ADD1: variants seen among roughly 807,000 people sequenced by gnomAD.
ADD1 encodes the protein alpha-adducin.
In ADD1, 24 loss-of-function variants were observed where a neutral mutation model predicts 80.5. That is an observed-to-expected ratio of 0.30 (90% CI 0.22 to 0.42). ADD1 has a LOEUF of 0.42. Ranked by LOEUF, ADD1 falls within the 10% of genes least tolerant of loss-of-function variation. ADD1 has a pLI of 1.00. For missense variants in ADD1, 948 were observed against 1,019.0 expected (o/e 0.93, Z 0.95); for synonymous variants, 373 against 393.8 (o/e 0.95, Z 0.63).
intron 1 of ADD1, chr4:2,844,569 C>A (rs1258447836): frequency 1.3e-5 from 2 of 152,210 alleles, no homozygotes; most frequent in Non-Finnish European, 2.9e-5. Flanking sequence ...CCTCTCTTTT[C>A]TTTTTTCTTA....
chr4:2,896,781 C>T (rs1735314617), intron 6 of ADD1, among the ~76,000 whole-genome samples: 1 of 152,068 alleles, frequency 6.6e-6, no homozygotes, highest in African/African-American at 2.4e-5. Flanking sequence ...TTTTCTGAGA[C>T]AGGATCTCAC....
At chr4:2,887,378 G>A (rs1334269185) in intron 4 of ADD1, 1 of 151,734 alleles carries the variant, frequency 6.6e-6, no homozygotes, top group Non-Finnish European at 1.5e-5. Context: ...ATTGCTAACA[G>A]GTGTTAGAAG....
At chr4:2,861,063 T>G (rs1295477107) in intron 1 of ADD1, among the ~76,000 whole-genome samples, 1 of 152,220 alleles carries the variant, frequency 6.6e-6, no homozygotes, top group Non-Finnish European at 1.5e-5. Flanking sequence ...GCCTAACTGA[T>G]AAGGACTAAG....
intron 1 of ADD1, among the ~76,000 whole-genome samples, chr4:2,862,948 C>T (rs995901470): frequency 1.3e-5 from 2 of 152,176 alleles, no homozygotes; most frequent in Non-Finnish European, 2.9e-5. Flanking sequence ...GACTCTGCTC[C>T]AGTTGCATTT....
chr4:2,907,488 G>C, intron 10 of ADD1: 1 of 384,810 alleles, frequency 2.6e-6, no homozygotes, highest in African/African-American at 2.1e-5. Context: ...TTATGACCCA[G>C]ATTCAGCTGG....
At chr4:2,854,813 A>G (rs1727825679) in intron 1 of ADD1, 1 of 152,210 alleles carries the variant, frequency 6.6e-6, no homozygotes, top group Admixed American at 6.5e-5. Context: ...AAGTTACCAC[A>G]TACGTGGTGC....
intron 2 of ADD1, chr4:2,876,325 G>A (rs1318317581): frequency 2.4e-6 from 1 of 410,262 alleles, no homozygotes; most frequent in Non-Finnish European, 4.2e-6. Flanking sequence ...AGGATAGGAA[G>A]TGTTAATTTC....
At chr4:2,862,906 T>G in intron 1 of ADD1, among the ~76,000 whole-genome samples, 1 of 152,200 alleles carries the variant, frequency 6.6e-6, no homozygotes, top group East Asian at 1.9e-4. Flanking sequence ...GGTGACTGAG[T>G]GCTGACTCCA....
intron 13 of ADD1, among the ~76,000 whole-genome samples, chr4:2,910,651 C>T (rs138612725): frequency 1.8e-4 from 28 of 152,252 alleles, no homozygotes; most frequent in Middle Eastern, 6.8e-3. Flanking sequence ...TTAGGGCTCT[C>T]CAGAAAGCAG....
chr4:2,896,844 C>T (rs1295661647), intron 6 of ADD1, among the ~76,000 whole-genome samples: 1 of 152,142 alleles, frequency 6.6e-6, no homozygotes, highest in Non-Finnish European at 1.5e-5. Flanking sequence ...CTGCAACTTG[C>T]ATCTCCTGGG....
At chr4:2,909,795 G>A (rs1242399899) in intron 13 of ADD1, among the ~76,000 whole-genome samples, 1 of 151,882 alleles carries the variant, frequency 6.6e-6, no homozygotes, top group Non-Finnish European at 1.5e-5. Context: ...GCAGTCTGTT[G>A]CTGTTGGCAG....
chr4:2,883,515 T>TTTGG (rs1434566641), intron 3 of ADD1, among the ~76,000 whole-genome samples: 1 of 151,956 alleles, frequency 6.6e-6, no homozygotes, highest in Admixed American at 6.6e-5. Flanking sequence ...ATTATGTTTT[T>TTTGG]TTGTTTGTTT....
intron 14 of ADD1, among the ~76,000 whole-genome samples, chr4:2,925,085 G>C (rs756781472): frequency 2.6e-5 from 4 of 152,212 alleles, no homozygotes; most frequent in Non-Finnish European, 4.4e-5. Context: ...CAGGAGGTCT[G>C]ATCTGGCCCT....
At chr4:2,854,817 G>A (rs534710159) in intron 1 of ADD1, 2 of 152,234 alleles carry the variant, frequency 1.3e-5, no homozygotes, top group East Asian at 1.9e-4. Context: ...TACCACATAC[G>A]TGGTGCTTTA....
Position 2,909,380 on chromosome 4 carries a change from C to A in ADD1, c.1740C>A (p.Leu580=), listed in dbSNP as rs113301546. The A allele has an allele frequency of 6.4e-7, 1 of 1,550,438 alleles. No individual in the cohort carries two copies. The highest frequency in any genetic ancestry group is 1.4e-5 in the African/African-American group (1 of 73,092). The change falls in exon 13 of 16, where the codon CTC becomes CTA. Residue 580 remains leucine (L), a synonymous_variant. Transcript: ENST00000683351. ...LSDCTETIEG[L]ELTEQTFSPA... ...ACTGTACGGAAACTATCGAAGGGCT[C>A]GAGCTTACAGAGCAGACCTTTAGTC...
At chr4:2,873,245 G>T (rs1730737503) in intron 1 of ADD1, among the ~76,000 whole-genome samples, 1 of 152,134 alleles carries the variant, frequency 6.6e-6, no homozygotes, top group Non-Finnish European at 1.5e-5. Flanking sequence ...ACTTGCCTCG[G>T]CCTCCCAAAG....
rs1001235708 is a variant in ADD1 at position 2,926,369 on chromosome 4, G to A, written c.2047+257G>A. ...ACCCACCATGGTTGCTGGTGTCCAC[G>A]TTGCCCATTGCTCGCACACTCCTCG... On this transcript the variant is annotated intron_variant, in intron 15 of 15. Coordinates refer to ENST00000683351, the MANE Select transcript of ADD1 (RefSeq NM_001354761.2). This position sits in a 1 kb window ranked among gnomAD's most constrained non-coding sequence, Gnocchi z 5.0. 1.7e-5 allele frequency: 12 copies of A among 700,734 alleles called. No individual in the cohort carries two copies. The highest frequency in any genetic ancestry group is 7.0e-5 in the African/African-American group (4 of 57,212). 43.4% of individuals were successfully genotyped at this position (700,734 alleles called of 1,614,324 possible). A position where few individuals can be genotyped will look rare whatever the true frequency, so the allele number is the denominator to read the frequency against.
intron 4 of ADD1, 77 bp from the exon 5 acceptor site, chr4:2,893,936 C>A: frequency 7.4e-7 from 1 of 1,359,144 alleles, no homozygotes; most frequent in Non-Finnish European, 1.1e-6. Flanking sequence ...CTGAACAAAC[C>A]CGTGAATTTG....
At chr4:2,857,044 C>G (rs970836692) in intron 1 of ADD1, among the ~76,000 whole-genome samples, 4 of 152,014 alleles carry the variant, frequency 2.6e-5, no homozygotes, top group African/African-American at 9.7e-5. Flanking sequence ...TCCTGAGTAG[C>G]TGGGACTACA....
Sources: allele counts gnomAD v4.1 joint callset (sites outside exome capture counted in the v4.1 genomes callset), GRCh38; gene constraint gnomAD v4.1.1; non-coding constraint Gnocchi (gnomAD v3.1); transcripts MANE v1.5; gene names NCBI Gene and HGNC (gene_info 2026-07-23, HGNC 2026-07-21).